Variants in LRRC43 observed in about 807,000 individuals in gnomAD.
LRRC43 encodes leucine rich repeat containing 43.
Under a neutral mutation model 64.3 loss-of-function variants are expected in LRRC43, and 62 were observed. The ratio of observed to expected loss-of-function variants is 0.96; its 90% CI spans 0.79 to 1.19. LRRC43 has a LOEUF of 1.19. Among genes scored for constraint, LRRC43 ranks in the 50% most tolerant of loss-of-function variants. The pLI, the probability that LRRC43 is intolerant of heterozygous loss-of-function variation, is 0.00. For synonymous variants in LRRC43, 422 were observed against 382.3 expected (o/e 1.10, Z -1.21); for missense variants, 868 against 845.0 (o/e 1.03, Z -0.34).
intron 11 of LRRC43, among the ~76,000 whole-genome samples, chr12:122,202,892 GAC>G (rs1247653117): frequency 6.6e-6 from 1 of 152,132 alleles, no homozygotes; most frequent in African/African-American, 2.4e-5. Context: ...AGGAGTTCGA[GAC>G]CAGGCTGGCC....
intron 7 of LRRC43, among the ~76,000 whole-genome samples, chr12:122,199,439 C>T (rs151152043): frequency 0.01 from 1,554 of 152,110 alleles, 31 homozygotes; most frequent in African/African-American, 0.036. Flanking sequence ...CATGCCACCA[C>T]GCCTGGCTAA....
chr12:122,189,560 A>G (rs1953689194), intron 4 of LRRC43: 2 of 453,660 alleles, frequency 4.4e-6, no homozygotes, highest in Non-Finnish European at 8.9e-6. Flanking sequence ...GTCTGGCCAC[A>G]GGCCTTGGCC....
In LRRC43 at chr12:122,200,799, C is replaced by G. The variant is rs748119777; in HGVS notation, c.1674C>G (p.Asp558Glu). The stretch of plus-strand genomic sequence containing the variant: ...AGCCGCCCAAGGAGCTCCGGCAGGA[C>G]CCCCCCATCCTCCAGGTGCTGGGCC... ...KKEPPKELRQ[D>E]PPILQVLGRG... Residue 558 changes from aspartate (D) to glutamate (E), a missense_variant, in exon 10 of 12, where the codon GAC (aspartate) becomes GAG (glutamate). By Grantham distance (45) the Asp-to-Glu change is conservative. Coordinates refer to ENST00000339777, the MANE Select transcript of LRRC43 (RefSeq NM_001098519.2). The surrounding 1 kb of genome is among the most constrained non-coding windows in gnomAD (Gnocchi z 4.6). 2.5e-6 allele frequency: 4 copies of G among 1,612,286 alleles called. No homozygotes were observed. Among genetic ancestry groups the G allele is most frequent in the East Asian group, 4.5e-5 (2 of 44,872 alleles).
intron 7 of LRRC43, among the ~76,000 whole-genome samples, chr12:122,197,063 A>G (rs1387433475): frequency 6.6e-6 from 1 of 152,136 alleles, no homozygotes. Flanking sequence ...TTTATCTCCT[A>G]GTGGGCAAGT....
chr12:122,195,586 A>G (rs1202897899), intron 7 of LRRC43, among the ~76,000 whole-genome samples: 2 of 151,910 alleles, frequency 1.3e-5, no homozygotes, highest in Admixed American at 6.6e-5. Context: ...ACTGGCCTCC[A>G]TTGTTTCTGA....
chr12:122,175,617 C>T (rs1394634564), intron 1 of LRRC43, among the ~76,000 whole-genome samples: 1 of 151,706 alleles, frequency 6.6e-6, no homozygotes, highest in Admixed American at 6.6e-5. Context: ...GATCCTCCTA[C>T]CTCAGCCTCC....
rs888868659 is a variant in LRRC43 at position 122,190,379 on chromosome 12, T to G, written c.901+11T>G. On this transcript the variant is annotated intron_variant, in intron 5 of 11. Transcript: ENST00000339777. ...TCAGCCTCAATGGCGGTGAGGGTAC[T>G]GGCATGCAGGGAGGGGGTGGCATGT... The G allele has an allele frequency of 1.9e-6, 3 of 1,600,734 alleles. No individual in the cohort carries two copies. Among genetic ancestry groups the G allele is most frequent in the Non-Finnish European group, 1.7e-6 (2 of 1,169,156 alleles).
intron 7 of LRRC43, among the ~76,000 whole-genome samples, chr12:122,197,831 C>T (rs1953787536): frequency 6.6e-6 from 1 of 152,018 alleles, no homozygotes; most frequent in African/African-American, 2.4e-5. Context: ...CTCTTCTACT[C>T]ACTTCTCCGG....
intron 7 of LRRC43, among the ~76,000 whole-genome samples, chr12:122,196,658 A>G (rs540888792): frequency 7.3e-4 from 111 of 151,832 alleles, no homozygotes; most frequent in African/African-American, 2.5e-3. Context: ...AATCCCAGCT[A>G]CTCAGGAGGC....
chr12:122,172,496 G>A, intron 1 of LRRC43: 1 of 1,614,166 alleles, frequency 6.2e-7, no homozygotes, highest in Middle Eastern at 1.6e-4. Context: ...AAATAGTCAG[G>A]ATGAAGCGTT....
Position 122,184,371 on chromosome 12 carries a change from G to A in LRRC43, c.151-148G>A. On this transcript the variant is annotated intron_variant, in intron 1 of 11. Coordinates refer to ENST00000339777, the MANE Select transcript of LRRC43 (RefSeq NM_001098519.2). This position sits in a 1 kb window ranked among gnomAD's most constrained non-coding sequence, Gnocchi z 4.0. The stretch of plus-strand genomic sequence containing the variant: ...AGCCTCCCAAAGTGCTGGGATTACA[G>A]GCATGAGCCACCGCACCTGGCCTAC... 1 of 1,000,030 alleles carries A rather than the reference G, an allele frequency of 1.0e-6. No individual in the cohort carries two copies. The highest frequency in any genetic ancestry group is 1.4e-6 in the Non-Finnish European group (1 of 699,286). 61.9% of individuals were successfully genotyped at this position (1,000,030 alleles called of 1,614,324 possible). A position where few individuals can be genotyped will look rare whatever the true frequency, so the allele number is the denominator to read the frequency against.
Position 122,190,178 on chromosome 12 carries a change from G to A in LRRC43, c.711G>A (p.Leu237=). ...LDLGFNDLTD[L]QSMVTSLRTL... ...TGGGCTTCAACGACCTGACAGACCT[G>A]CAGAGCATGGTCACCAGCCTGAGGA... Residue 237 remains leucine (L), a synonymous_variant, in exon 5 of 12, where the codon CTG becomes CTA. Transcript: ENST00000339777. 6.2e-7 allele frequency: 1 copy of A among 1,614,140 alleles called. No homozygotes were observed. The highest frequency in any genetic ancestry group is 8.5e-7 in the Non-Finnish European group (1 of 1,180,028).
chr12:122,178,567 G>GT (rs1953556265), upstream of LRRC43, among the ~76,000 whole-genome samples: 1 of 146,382 alleles, frequency 6.8e-6, no homozygotes, highest in African/African-American at 2.5e-5. Context: ...GGAAAAATAC[G>GT]TAAGAGGTGG....
chr12:122,181,905 C>T (rs1953585201), upstream of LRRC43, among the ~76,000 whole-genome samples: 2 of 151,738 alleles, frequency 1.3e-5, no homozygotes, highest in Admixed American at 6.6e-5. Flanking sequence ...CGCGCCCAGC[C>T]TAATTTTTCT....
rs1593150326 is a variant in LRRC43 at position 122,191,617 on chromosome 12, AAC to A, written c.1089+51_1089+52del. On this transcript the variant is annotated intron_variant, in intron 6 of 11. Transcript: ENST00000339777. Reference sequence around the variant, plus strand: ...GTATGGGGGGCTCTTGTGAAGGCTGAACTGCTTTGTGGGCCCCAGGAAAATCC... The same window carrying A: ...GTATGGGGGGCTCTTGTGAAGGCTGATGCTTTGTGGGCCCCAGGAAAATCC... 2.0e-5 allele frequency: 29 copies of A among 1,443,558 alleles called. No individual in the cohort carries two copies. The East Asian group carries it at 6.4e-4, about 32-fold the overall frequency. 89.4% of individuals were successfully genotyped at this position (1,443,558 alleles called of 1,614,324 possible).
At chr12:122,193,248 G>A (rs1331113657) in intron 7 of LRRC43, among the ~76,000 whole-genome samples, 2 of 151,868 alleles carry the variant, frequency 1.3e-5, no homozygotes, top group Non-Finnish European at 2.9e-5. Context: ...AGGCGTGGTG[G>A]CAGGCGCCTG....
chr12:122,201,561 GC>G (rs1296023975), intron 11 of LRRC43, among the ~76,000 whole-genome samples: 1 of 152,216 alleles, frequency 6.6e-6, no homozygotes. Flanking sequence ...TAGAGCCATA[GC>G]GGGGCAAGAG....
In LRRC43 at chr12:122,200,334, G is replaced by A. The variant is rs556173018; in HGVS notation, c.1491+4G>A. The A allele has an allele frequency of 2.6e-5, 42 of 1,609,622 alleles. No homozygotes were observed. The East Asian group carries it at 8.2e-4, about 32-fold the overall frequency. Reference sequence around the variant, plus strand: ...CGTGACCATCGTGGAGGAGAAGGTGGGCAGGCGGAGGCAGTGCCCGGCCAT... The same window carrying A: ...CGTGACCATCGTGGAGGAGAAGGTGAGCAGGCGGAGGCAGTGCCCGGCCAT... On this transcript the variant is annotated splice_donor_region_variant and intron_variant, in intron 8 of 11. Transcript: ENST00000339777. The surrounding 1 kb of genome is among the most constrained non-coding windows in gnomAD (Gnocchi z 4.6).
chr12:122,172,468 A>C, intron 1 of LRRC43: 1 of 1,614,134 alleles, frequency 6.2e-7, no homozygotes, highest in Non-Finnish European at 8.5e-7. Flanking sequence ...AGGTCCATGC[A>C]CTCTGAAAAC....
Sources: gnomAD v4.1 joint callset for allele counts (sites outside exome capture counted in the v4.1 genomes callset) on GRCh38, gnomAD v4.1.1 for gene constraint, Gnocchi (gnomAD v3.1) non-coding constraint, MANE v1.5 for transcripts, NCBI Gene and HGNC (gene_info 2026-07-23, HGNC 2026-07-21) for gene names.